Variants in DDX25 observed in about 807,000 individuals in gnomAD.
DDX25 encodes DEAD-box helicase 25.
Under a neutral mutation model 64.6 loss-of-function variants are expected in DDX25, and 70 were observed. The observed-to-expected ratio is 1.08, with a 90% confidence interval of 0.89 to 1.32. DDX25 has a LOEUF of 1.32. DDX25 is among the 40% of genes most tolerant of loss of function. DDX25 has a pLI of 0.00. For synonymous variants in DDX25, 211 were observed against 213.3 expected (o/e 0.99, Z 0.09); for missense variants, 587 against 604.4 (o/e 0.97, Z 0.30).
At chr11:125,916,931 G>C in intron 8 of DDX25, 83 bp from the exon 9 acceptor site, 1 of 1,342,512 alleles carries the variant, frequency 7.4e-7, no homozygotes, top group Non-Finnish European at 1.0e-6. Flanking sequence ...GGTGCGTGCA[G>C]CGGCTGATGG....
chr11:125,920,798 C>T (rs1243763759), intron 10 of DDX25, among the ~76,000 whole-genome samples: 3 of 152,090 alleles, frequency 2.0e-5, no homozygotes, highest in Non-Finnish European at 4.4e-5. Context: ...GAGCCAGAGC[C>T]CCATGACGGG....
chr11:125,920,262 C>G (rs893747095), intron 10 of DDX25, among the ~76,000 whole-genome samples: 6 of 152,088 alleles, frequency 3.9e-5, no homozygotes, highest in Admixed American at 3.3e-4. Context: ...CATGGTGAAA[C>G]CCCATCTCTA....
chr11:125,916,986 G>A (rs1945046309), intron 8 of DDX25, 28 bp from the exon 9 acceptor site: 1 of 1,556,390 alleles, frequency 6.4e-7, no homozygotes, highest in African/African-American at 1.4e-5. Flanking sequence ...ATGGCAGCTT[G>A]GTGACAGCCT....
intron 5 of DDX25, 23 bp from the exon 6 acceptor site, chr11:125,908,378 C>T: frequency 6.2e-7 from 1 of 1,613,688 alleles, no homozygotes; most frequent in South Asian, 1.1e-5. Context: ...AGTTTATGCC[C>T]AGTGGTCTTC....
Position 125,918,805 on chromosome 11 carries a change from T to G in DDX25, c.1201+15T>G. On this transcript the variant is annotated intron_variant, in intron 10 of 11. Coordinates refer to ENST00000263576, the MANE Select transcript of DDX25 (RefSeq NM_013264.5). Reference sequence around the variant, plus strand: ...TTGTGCCCGAGGTGTGTGTTAAAAGTCAGGTCTTGAGTTCTAATTTGCATA... The same window carrying G: ...TTGTGCCCGAGGTGTGTGTTAAAAGGCAGGTCTTGAGTTCTAATTTGCATA... 2 of 1,551,260 alleles carry G rather than the reference T, an allele frequency of 1.3e-6. No individual in the cohort carries two copies. The highest frequency in any genetic ancestry group is 8.7e-7 in the Non-Finnish European group (1 of 1,145,436).
chr11:125,908,141 T>A (rs2134274968), intron 4 of DDX25, 55 bp from the exon 5 acceptor site: 1 of 1,426,636 alleles, frequency 7.0e-7, no homozygotes, highest in South Asian at 1.3e-5. Context: ...GGTATGTATT[T>A]CTGATGCTAC....
In DDX25 at chr11:125,927,878, ACT is replaced by A. The variant is rs926074961; in HGVS notation, c.*5000_*5001del. The A allele has an allele frequency of 3.9e-5, 6 of 152,096 alleles. No individual in the cohort carries two copies. The highest frequency in any genetic ancestry group is 1.3e-4 in the Admixed American group (2 of 15,266). The allele number at this position is 152,096 out of a possible 1,614,324, so 9.4% of individuals were successfully genotyped here. A position where few individuals can be genotyped will look rare whatever the true frequency, so the allele number is the denominator to read the frequency against. ...AGTTCAGAATAAAATGATCTCGGAG[ACT>A]CTGTCCATTCTAAGATACCATGTTT... On this transcript the variant is annotated 3_prime_UTR_variant, in exon 12 of 12. Coordinates refer to ENST00000263576, the MANE Select transcript of DDX25 (RefSeq NM_013264.5).
rs996706127 is a variant in DDX25 at position 125,921,488 on chromosome 11, A to G, written c.1390+109A>G. On this transcript the variant is annotated intron_variant, in intron 11 of 11. Transcript: ENST00000263576. The surrounding 1 kb of genome is among the most constrained non-coding windows in gnomAD (Gnocchi z 4.1). ...GGCTCATGAGAGTAGTAGAAGCAGA[A>G]TGCATGAGCTGGAAGGCTTCTAATT... 2.3e-6 allele frequency: 3 copies of G among 1,280,414 alleles called. No homozygotes were observed. Among genetic ancestry groups the G allele is most frequent in the East Asian group, 2.5e-5 (1 of 39,810 alleles). The allele number at this position is 1,280,414 out of a possible 1,614,324, so 79.3% of individuals were successfully genotyped here. A position where few individuals can be genotyped will look rare whatever the true frequency, so the allele number is the denominator to read the frequency against.
chr11:125,927,090 C>CT lies in DDX25; in HGVS notation c.*4210dup, dbSNP rs1240344387. The CT allele has an allele frequency of 2.0e-5, 3 of 152,250 alleles. No individual in the cohort carries two copies. Among genetic ancestry groups the CT allele is most frequent in the Non-Finnish European group, 2.9e-5 (2 of 68,048 alleles). The allele number at this position is 152,250 out of a possible 1,614,324, so 9.4% of individuals were successfully genotyped here. A position where few individuals can be genotyped will look rare whatever the true frequency, so the allele number is the denominator to read the frequency against. On this transcript the variant is annotated 3_prime_UTR_variant, in exon 12 of 12. Coordinates refer to ENST00000263576, the MANE Select transcript of DDX25 (RefSeq NM_013264.5). ...CTGGTTTCTCTTACTGCTTTGCAAA[C>CT]TATCAGTTTTAAATGTGGGTGGGGC...
intron 10 of DDX25, among the ~76,000 whole-genome samples, chr11:125,920,130 C>G (rs1197914691): frequency 6.6e-6 from 1 of 152,132 alleles, no homozygotes; most frequent in Non-Finnish European, 1.5e-5. Context: ...CCGAGGCAGC[C>G]TTCAATCTGA....
intron 11 of DDX25, 100 bp from the exon 12 acceptor site, chr11:125,922,720 C>G: frequency 8.9e-7 from 1 of 1,123,052 alleles, no homozygotes; most frequent in Non-Finnish European, 1.3e-6. Context: ...TATACCAAGG[C>G]TTTTTATACG....
chr11:125,904,818 G>A (rs1392581558), intron 1 of DDX25: 1 of 584,624 alleles, frequency 1.7e-6, no homozygotes, highest in East Asian at 3.0e-5. Flanking sequence ...GGAAATCCAG[G>A]GTGGGAACGC....
intron 8 of DDX25, among the ~76,000 whole-genome samples, chr11:125,913,311 C>T (rs556824531): frequency 1.8e-4 from 27 of 152,116 alleles, no homozygotes; most frequent in African/African-American, 6.0e-4. Context: ...TATCTTGGGT[C>T]GTTTTTCTTG....
chr11:125,903,829 G>A (rs1481042303), upstream of DDX25, among the ~76,000 whole-genome samples: 2 of 152,074 alleles, frequency 1.3e-5, no homozygotes, highest in Non-Finnish European at 2.9e-5. Context: ...GGGATCCAGG[G>A]ATCTATACCG....
At position 125,927,630 on chromosome 11, in the gene DDX25, T is replaced by C. The variant is rs1481129154; in HGVS notation, c.*4749T>C. On this transcript the variant is annotated 3_prime_UTR_variant, in exon 12 of 12. Coordinates refer to ENST00000263576, the MANE Select transcript of DDX25 (RefSeq NM_013264.5). ...GCTAGAAAGAATGGTACTGCCTCAC[T>C]CCAGCTCCTTAGTGTGTGATCATGG... 6.6e-6 allele frequency: 1 copy of C among 152,228 alleles called. No homozygotes were observed. Among genetic ancestry groups the C allele is most frequent in the East Asian group, 1.9e-4 (1 of 5,204 alleles). 9.4% of individuals were successfully genotyped at this position (152,228 alleles called of 1,614,324 possible). A position where few individuals can be genotyped will look rare whatever the true frequency, so the allele number is the denominator to read the frequency against.
chr11:125,904,490 G>T, upstream of DDX25: 1 of 1,472,344 alleles, frequency 6.8e-7, no homozygotes. Context: ...GGAAGCACGT[G>T]CTGGGGGCGG....
At position 125,910,451 on chromosome 11, in the gene DDX25, G is replaced by C. The variant is rs763229155; in HGVS notation, c.595G>C (p.Val199Leu). 1 of 1,614,026 alleles carries C rather than the reference G, an allele frequency of 6.2e-7. No individual in the cohort carries two copies. Among genetic ancestry groups the C allele is most frequent in the South Asian group, 1.1e-5 (1 of 91,076 alleles). The change falls in exon 7 of 12, where the codon GTG becomes CTG. Residue 199 changes from valine (V) to leucine (L), a missense_variant. Transcript: ENST00000263576. ...GGGAAAATTCTGTGTGGATGTTCAA[G>C]TGATGTATGCCATTCGAGGGAATCG... Reference protein sequence around the residue: ...QMGKFCVDVQVMYAIRGNRIP... With the variant: ...QMGKFCVDVQLMYAIRGNRIP...
In DDX25 at chr11:125,921,913, T is replaced by G. The variant is rs1423974016; in HGVS notation, c.1390+534T>G. 2 of 153,048 alleles carry G rather than the reference T, an allele frequency of 1.3e-5. No homozygotes were observed. Among genetic ancestry groups the G allele is most frequent in the East Asian group, 3.8e-4 (2 of 5,212 alleles). 9.5% of individuals were successfully genotyped at this position (153,048 alleles called of 1,614,324 possible). A position where few individuals can be genotyped will look rare whatever the true frequency, so the allele number is the denominator to read the frequency against. On this transcript the variant is annotated intron_variant, in intron 11 of 11. Transcript: ENST00000263576. This position sits in a 1 kb window ranked among gnomAD's most constrained non-coding sequence, Gnocchi z 4.1. ...AAAAAAATAAAATTTGAGCTCAGATTTACATGTTATAACTCATTCTGGAGT... is the reference window on the plus strand; with the variant it reads ...AAAAAAATAAAATTTGAGCTCAGATGTACATGTTATAACTCATTCTGGAGT...
Position 125,913,826 on chromosome 11 carries a change from TAGAG to T in DDX25, c.800+2341_800+2344del, listed in dbSNP as rs1304930620. On this transcript the variant is annotated intron_variant, in intron 8 of 11. Coordinates refer to ENST00000263576, the MANE Select transcript of DDX25 (RefSeq NM_013264.5). ...TCTTTCCCCAAAGTGACCAACTTTTTAGAGAGCCCATCTGGGACACAATCATAAC... is the reference window on the plus strand; with the variant it reads ...TCTTTCCCCAAAGTGACCAACTTTTTAGCCCATCTGGGACACAATCATAAC... Among the ~76,000 whole-genome samples the T allele has an allele frequency of 1.3e-4, 19 of 151,644 alleles. No individual in the cohort carries two copies. The East Asian group carries it at 3.7e-3, about 29-fold the overall frequency.
Sources: gnomAD v4.1 joint callset for allele counts (sites outside exome capture counted in the v4.1 genomes callset) on GRCh38, gnomAD v4.1.1 for gene constraint, Gnocchi (gnomAD v3.1) non-coding constraint, MANE v1.5 for transcripts, NCBI Gene and HGNC (gene_info 2026-07-23, HGNC 2026-07-21) for gene names.